RAP1GAP2: variants seen among roughly 807,000 people sequenced by gnomAD.
The protein encoded by RAP1GAP2 is RAP1 GTPase activating protein 2, also known as rap1 GTPase-activating protein 2.
A neutral mutation model predicts 95.0 loss-of-function variants in RAP1GAP2; 27 were observed. That is an observed-to-expected ratio of 0.28 (90% CI 0.21 to 0.39). The LOEUF (loss-of-function observed/expected upper bound fraction) is 0.39, where lower values mean the gene tolerates loss of function less well. RAP1GAP2 is among the 10% of genes least tolerant of loss of function. RAP1GAP2 has a pLI of 1.00. For missense variants in RAP1GAP2, 771 were observed against 970.0 expected (o/e 0.79, Z 2.72); for synonymous variants, 373 against 380.9 (o/e 0.98, Z 0.24).
intron 3 of RAP1GAP2, among the ~76,000 whole-genome samples, chr17:2,928,093 AAG>A: frequency 6.8e-6 from 1 of 147,592 alleles, no homozygotes; most frequent in Non-Finnish European, 1.5e-5. Flanking sequence ...ACTGATGGAA[AAG>A]CCACCACTCC....
chr17:2,981,133 G>T, intron 9 of RAP1GAP2, 62 bp from the exon 10 acceptor site: 1 of 1,502,992 alleles, frequency 6.7e-7, no homozygotes, highest in Non-Finnish European at 9.2e-7. Context: ...CAGGTGGGCA[G>T]AGGAGCCCAG....
intron 2 of RAP1GAP2, among the ~76,000 whole-genome samples, chr17:2,821,308 A>G (rs2070295022): frequency 6.6e-6 from 1 of 151,984 alleles, no homozygotes; most frequent in Admixed American, 6.6e-5. Flanking sequence ...GTACAAATAG[A>G]GATTAAAAAA....
rs143230530 is a variant in RAP1GAP2, at chr17:2,883,122, C to G, written c.81-22162C>G. Among the ~76,000 whole-genome samples the G allele has an allele frequency of 9.2e-5, 14 of 152,310 alleles. No homozygotes were observed. In the Middle Eastern group the frequency reaches 0.01, roughly 111 times the overall value. ...AGCAGCTTCCAGGGGCTACCTCCAT[C>G]TTCTCTGTGTTCAAGCTCCACAGCC... On this transcript the variant is annotated intron_variant, in intron 2 of 24. Transcript: ENST00000254695.
At chr17:3,022,854 A>G (rs1567908102) in intron 19 of RAP1GAP2, among the ~76,000 whole-genome samples, 1 of 152,064 alleles carries the variant, frequency 6.6e-6, no homozygotes, top group East Asian at 1.9e-4. Context: ...TTCTTTTAGG[A>G]GTTTCTTTGT....
chr17:2,793,405 C>G (rs1047250630), upstream of RAP1GAP2, among the ~76,000 whole-genome samples: 1 of 152,194 alleles, frequency 6.6e-6, no homozygotes, highest in African/African-American at 2.4e-5. Context: ...CTCCCTGCCT[C>G]GGTCTCCCAA....
At chr17:2,927,148 C>T (rs934407671) in intron 3 of RAP1GAP2, among the ~76,000 whole-genome samples, 1 of 151,674 alleles carries the variant, frequency 6.6e-6, no homozygotes, top group Admixed American at 6.6e-5. Flanking sequence ...AGGCCAGCCA[C>T]GCTGGAGCAA....
intron 2 of RAP1GAP2, among the ~76,000 whole-genome samples, chr17:2,850,211 A>C (rs981759092): frequency 1.3e-5 from 2 of 150,764 alleles, no homozygotes; most frequent in South Asian, 4.2e-4. Context: ...CATGTTAGCC[A>C]GGATGGTCTC....
At chr17:2,851,038 C>T (rs1370196141) in intron 2 of RAP1GAP2, among the ~76,000 whole-genome samples, 6 of 147,224 alleles carry the variant, frequency 4.1e-5, no homozygotes, top group Admixed American at 1.4e-4. Flanking sequence ...CCAGCCTGGG[C>T]GACGAGCAAA....
chr17:2,912,976 G>A (rs2042439783), intron 3 of RAP1GAP2, among the ~76,000 whole-genome samples: 1 of 152,122 alleles, frequency 6.6e-6, no homozygotes, highest in South Asian at 2.1e-4. Flanking sequence ...CCAGGAGTTT[G>A]AGACCAGCCT....
chr17:3,036,328 T>C lies in RAP1GAP2; in HGVS notation c.*2967T>C, dbSNP rs2047464783. The C allele has an allele frequency of 1.3e-5, 2 of 152,198 alleles. No individual in the cohort carries two copies. Among genetic ancestry groups the C allele is most frequent in the African/African-American group, 2.4e-5 (1 of 41,440 alleles). 9.4% of individuals were successfully genotyped at this position (152,198 alleles called of 1,614,324 possible). ...TCACACAGCTGGCTGTTGGCAAAGC[T>C]GGGATTAGAACCCTCAACCCAGGGT... On this transcript the variant is annotated 3_prime_UTR_variant, in exon 25 of 25. Transcript: ENST00000254695.
chr17:2,972,477 C>T (rs551441698), intron 8 of RAP1GAP2, among the ~76,000 whole-genome samples: 1 of 151,962 alleles, frequency 6.6e-6, no homozygotes, highest in South Asian at 2.1e-4. Flanking sequence ...CATGGTGAAA[C>T]CCTGTCTCTA....
At chr17:2,880,416 A>G (rs933431156) in intron 2 of RAP1GAP2, among the ~76,000 whole-genome samples, 2 of 150,370 alleles carry the variant, frequency 1.3e-5, no homozygotes, top group African/African-American at 4.9e-5. Flanking sequence ...GAAGGAGGAC[A>G]GAATAATCCA....
At chr17:2,776,652 G>A (rs112882320), upstream of RAP1GAP2, among the ~76,000 whole-genome samples, 37,122 of 150,892 alleles carry the variant, frequency 0.25, 4,671 homozygotes, top group East Asian at 0.32. Context: ...GGGAGCACGA[G>A]GACCCCGGAC....
chr17:3,008,103 G>T lies in RAP1GAP2; in HGVS notation c.1452G>T (p.Lys484Asn), dbSNP rs2046391369. The T allele has an allele frequency of 1.2e-6, 2 of 1,614,010 alleles. No homozygotes were observed. The highest frequency in any genetic ancestry group is 1.7e-6 in the Non-Finnish European group (2 of 1,179,886). ...AMLGLGPEEDKFENGGHGGFL... is the reference protein window; with the variant it reads ...AMLGLGPEEDNFENGGHGGFL... ...TGGGACTGGGCCCAGAGGAGGACAA[G>T]TTTGAGAATGGAGGCCACGGGGGGT... The change falls in exon 17 of 25, where the codon AAG becomes AAT. Residue 484 changes from lysine to asparagine, a missense_variant. Physicochemically the swap from Lys to Asn is moderately conservative, Grantham distance 94. Transcript: ENST00000254695. This position sits in a 1 kb window ranked among gnomAD's most constrained non-coding sequence, Gnocchi z 4.2.
chr17:2,862,723 C>T (rs2072451460), intron 2 of RAP1GAP2, among the ~76,000 whole-genome samples: 1 of 152,126 alleles, frequency 6.6e-6, no homozygotes, highest in African/African-American at 2.4e-5. Flanking sequence ...ATGGGCTGTG[C>T]ACAGTGGCTC....
At chr17:2,853,263 CGGGCTCAGGTGCCCCCTGTAAGCGCT>C (rs2071959230) in intron 2 of RAP1GAP2, among the ~76,000 whole-genome samples, 1 of 151,766 alleles carries the variant, frequency 6.6e-6, no homozygotes, top group African/African-American at 2.4e-5. Context: ...GGGCGGGCGC[CGGGCTCAGGTGCCCCCTGTAAGCGCT>C]GGGCGGCCGG....
chr17:3,002,295 C>G (rs1449066046), intron 14 of RAP1GAP2, among the ~76,000 whole-genome samples: 1 of 152,178 alleles, frequency 6.6e-6, no homozygotes, highest in African/African-American at 2.4e-5. Context: ...CAAAGCACAG[C>G]ATTGTCCTCA....
chr17:2,834,154 G>C (rs571828214), intron 2 of RAP1GAP2, among the ~76,000 whole-genome samples: 1 of 152,178 alleles, frequency 6.6e-6, no homozygotes, highest in Admixed American at 6.6e-5. Flanking sequence ...GGTGGCTAGA[G>C]AGTTGGCTGT....
Position 2,866,197 on chromosome 17 carries a change from G to T in RAP1GAP2, c.81-39087G>T, listed in dbSNP as rs1409638057. Reference sequence around the variant, plus strand: ...ATGGAGTGGGAAGCACATCCCCAAAGGAGACAGTGGAAGACAAGGGGCCAA... The same window carrying T: ...ATGGAGTGGGAAGCACATCCCCAAATGAGACAGTGGAAGACAAGGGGCCAA... On this transcript the variant is annotated intron_variant, in intron 2 of 24. Coordinates refer to ENST00000254695, the MANE Select transcript of RAP1GAP2 (RefSeq NM_015085.5). The surrounding 1 kb of genome is among the most constrained non-coding windows in gnomAD (Gnocchi z 4.0). Among the ~76,000 whole-genome samples, 7 of 152,244 alleles carry T rather than the reference G, an allele frequency of 4.6e-5. No homozygotes were observed. Among genetic ancestry groups the T allele is most frequent in the Admixed American group, 4.6e-4 (7 of 15,284 alleles).
Sources: allele counts gnomAD v4.1 joint callset (sites outside exome capture counted in the v4.1 genomes callset), GRCh38; gene constraint gnomAD v4.1.1; non-coding constraint Gnocchi (gnomAD v3.1); transcripts MANE v1.5; gene names NCBI Gene and HGNC (gene_info 2026-07-23, HGNC 2026-07-21).